ZNF592: variants seen among roughly 807,000 people sequenced by gnomAD.
The protein encoded by ZNF592 is spinocerebellar ataxia, autosomal recessive 5.
Under a neutral mutation model 80.3 loss-of-function variants are expected in ZNF592, and 11 were observed. That is an observed-to-expected ratio of 0.14 (90% confidence interval 0.09 to 0.23). ZNF592 has a LOEUF of 0.23. ZNF592 is among the 10% of genes least tolerant of loss of function. The pLI, the probability that ZNF592 is intolerant of heterozygous loss-of-function variation, is 1.00. For missense variants in ZNF592, 1,420 were observed against 1,633.9 expected (o/e 0.87, Z 2.26); for synonymous variants, 646 against 640.3 (o/e 1.01, Z -0.13).
chr15:84,791,501 C>G (rs755990516), intron 5 of ZNF592, among the ~76,000 whole-genome samples: 5 of 152,130 alleles, frequency 3.3e-5, no homozygotes, highest in African/African-American at 4.8e-5. Flanking sequence ...AAAAAACTTC[C>G]CTCTAGAGCT....
intron 2 of ZNF592, among the ~76,000 whole-genome samples, chr15:84,777,498 AAAAG>A (rs1048696924): frequency 1.3e-5 from 2 of 151,726 alleles, no homozygotes; most frequent in African/African-American, 4.8e-5. Context: ...AAAGAAAAAA[AAAAG>A]AAAGGCATGG....
At position 84,805,693 on chromosome 15, in the gene ZNF592, G is replaced by A. The variant is rs1009138974; in HGVS notation, c.*3300G>A. The A allele has an allele frequency of 3.3e-5, 5 of 152,478 alleles. No individual in the cohort carries two copies. The highest frequency in any genetic ancestry group is 7.4e-5 in the Non-Finnish European group (5 of 68,008). 9.4% of individuals were successfully genotyped at this position (152,478 alleles called of 1,614,324 possible). ...CCCAAGACTGGGGAACCTCTGTCCT[G>A]TTCACCACTGTATATTCAGCACCAG... On this transcript the variant is annotated 3_prime_UTR_variant, in exon 11 of 11. Transcript: ENST00000560079.
chr15:84,761,195 AC>A (rs1474660781), intron 1 of ZNF592, among the ~76,000 whole-genome samples: 1 of 151,992 alleles, frequency 6.6e-6, no homozygotes, highest in African/African-American at 2.4e-5. Context: ...CAAACTCCTG[AC>A]CTCAGGTGAT....
chr15:84,774,710 G>A (rs766277411), intron 2 of ZNF592, among the ~76,000 whole-genome samples: 2 of 151,984 alleles, frequency 1.3e-5, no homozygotes, highest in African/African-American at 4.8e-5. Flanking sequence ...AGCATTTAAA[G>A]TCTGTAGAAA....
intron 2 of ZNF592, among the ~76,000 whole-genome samples, chr15:84,773,342 G>A (rs1962144401): frequency 6.6e-6 from 1 of 151,994 alleles, no homozygotes; most frequent in Admixed American, 6.5e-5. Flanking sequence ...CTCCCGAGTA[G>A]CTGGGATTAC....
In ZNF592 at chr15:84,799,327, T is replaced by C; in HGVS notation, c.3137+117T>C. The C allele has an allele frequency of 9.0e-7, 1 of 1,110,930 alleles. No homozygotes were observed. The highest frequency in any genetic ancestry group is 1.4e-6 in the Non-Finnish European group (1 of 733,900). 68.8% of individuals were successfully genotyped at this position (1,110,930 alleles called of 1,614,324 possible). A position where few individuals can be genotyped will look rare whatever the true frequency, so the allele number is the denominator to read the frequency against. ...TGTCTAAGACAAGAGACAAGTGATT[T>C]CCAACTGGAAGAAATTGCGGCTAAG... On this transcript the variant is annotated intron_variant, in intron 9 of 10. Coordinates refer to ENST00000560079, the MANE Select transcript of ZNF592 (RefSeq NM_014630.3). This position sits in a 1 kb window ranked among gnomAD's most constrained non-coding sequence, Gnocchi z 4.2.
Position 84,791,705 on chromosome 15 carries a change from G to C in ZNF592, c.2399+822G>C, listed in dbSNP as rs190211403. On this transcript the variant is annotated intron_variant, in intron 5 of 10. Transcript: ENST00000560079. ...AGAACATAGGTAATTATAACCCAGA[G>C]TGCTAAGTCCCACAATAGAGAAATG... Among the ~76,000 whole-genome samples, 6 of 152,308 alleles carry C rather than the reference G, an allele frequency of 3.9e-5. No individual in the cohort carries two copies. The East Asian group carries it at 1.2e-3, about 29-fold the overall frequency.
intron 1 of ZNF592, among the ~76,000 whole-genome samples, chr15:84,755,053 C>T (rs1373549014): frequency 1.4e-5 from 2 of 147,498 alleles, no homozygotes; most frequent in Non-Finnish European, 3.0e-5. Context: ...GCAACCTCTG[C>T]CTCCCAGGTT....
At chr15:84,766,722 T>TGTGTGTGG (rs1899536457) in intron 2 of ZNF592, among the ~76,000 whole-genome samples, 1 of 149,334 alleles carries the variant, frequency 6.7e-6, no homozygotes, top group Non-Finnish European at 1.5e-5. Context: ...TGTGTGTGTG[T>TGTGTGTGG]GTGTGTGTGT....
Position 84,805,286 on chromosome 15 carries a change from G to A in ZNF592, c.*2893G>A, listed in dbSNP as rs1460316758. 1.3e-5 allele frequency: 2 copies of A among 152,178 alleles called. No individual in the cohort carries two copies. The highest frequency in any genetic ancestry group is 2.9e-5 in the Non-Finnish European group (2 of 68,038). 9.4% of individuals were successfully genotyped at this position (152,178 alleles called of 1,614,324 possible). ...GAAAAGGTTGCCTAACCCTCACAGG[G>A]AACACACAGTTCCCTCAGAGTCCAG... On this transcript the variant is annotated 3_prime_UTR_variant, in exon 11 of 11. Transcript: ENST00000560079.
chr15:84,800,283 T>G (rs1363159690), intron 10 of ZNF592, among the ~76,000 whole-genome samples: 1 of 152,246 alleles, frequency 6.6e-6, no homozygotes, highest in Non-Finnish European at 1.5e-5. Context: ...ATTCTCTTTC[T>G]GCTTCACAGC....
At chr15:84,790,977 G>T in intron 5 of ZNF592, 94 bp downstream of exon 5, 3 of 1,492,388 alleles carry the variant, frequency 2.0e-6, no homozygotes, top group Non-Finnish European at 2.8e-6. Flanking sequence ...GTCTTAAGAG[G>T]CTTGGGTTCC....
Position 84,802,548 on chromosome 15 carries a change from C to CTG in ZNF592, c.*155_*156insTG. The CTG allele has an allele frequency of 1.2e-6, 1 of 861,912 alleles. No homozygotes were observed. Among genetic ancestry groups the CTG allele is most frequent in the Admixed American group, 2.4e-5 (1 of 42,216 alleles). 53.4% of individuals were successfully genotyped at this position (861,912 alleles called of 1,614,324 possible). On this transcript the variant is annotated 3_prime_UTR_variant, in exon 11 of 11. Coordinates refer to ENST00000560079, the MANE Select transcript of ZNF592 (RefSeq NM_014630.3). Reference sequence around the variant, plus strand: ...GCCCTGAGCTGCCAGTGCTGGGTATCCCCCAGCCCCAGGAAATGTGGGGTC... The same window carrying CTG: ...GCCCTGAGCTGCCAGTGCTGGGTATCTGCCCCAGCCCCAGGAAATGTGGGGTC...
At chr15:84,790,169 A>C (rs1346171749) in intron 4 of ZNF592, among the ~76,000 whole-genome samples, 1 of 150,808 alleles carries the variant, frequency 6.6e-6, no homozygotes, top group Non-Finnish European at 1.5e-5. Flanking sequence ...AACTGACAAG[A>C]CCACTCAGTC....
At chr15:84,772,808 G>T (rs117024521) in intron 2 of ZNF592, among the ~76,000 whole-genome samples, 37 of 151,990 alleles carry the variant, frequency 2.4e-4, no homozygotes, top group Non-Finnish European at 4.3e-4. Context: ...TTATAAATAT[G>T]CAAGCTTTTA....
chr15:84,790,614 G>T, intron 4 of ZNF592, 91 bp from the exon 5 acceptor site: 1 of 1,335,064 alleles, frequency 7.5e-7, no homozygotes, highest in South Asian at 1.2e-5. Flanking sequence ...GGGTTATTCT[G>T]ACCCATGTAC....
At chr15:84,767,967 C>G (rs1051403563) in intron 2 of ZNF592, among the ~76,000 whole-genome samples, 3 of 151,902 alleles carry the variant, frequency 2.0e-5, no homozygotes, top group African/African-American at 7.3e-5. Flanking sequence ...GCCTCAACCT[C>G]CCAGGCTCAA....
At position 84,799,961 on chromosome 15, in the gene ZNF592, G is replaced by T. The variant is rs762289759; in HGVS notation, c.3257G>T (p.Gly1086Val). 1 of 1,614,230 alleles carries T rather than the reference G, an allele frequency of 6.2e-7. No homozygotes were observed. Among genetic ancestry groups the T allele is most frequent in the Non-Finnish European group, 8.5e-7 (1 of 1,180,042 alleles). The change falls in exon 10 of 11, where the codon GGT becomes GTT. Residue 1086 changes from glycine (G) to valine (V), a missense_variant. This residue lies in a region of ZNF592 where 331 missense variants were observed against 347.0 expected (regional missense o/e 0.95). Transcript: ENST00000560079. This position sits in a 1 kb window ranked among gnomAD's most constrained non-coding sequence, Gnocchi z 4.2. ...LSQTSKVKPP[G>V]GHSPQVNHLK... ...CAGACGTCCAAAGTGAAACCTCCGG[G>T]TGGACATTCCCCTCAGGTGAGTGTG...
chr15:84,771,883 C>A (rs1367293209), intron 2 of ZNF592, among the ~76,000 whole-genome samples: 1 of 152,108 alleles, frequency 6.6e-6, no homozygotes, highest in African/African-American at 2.4e-5. Flanking sequence ...ATATATACGC[C>A]ATGGAGTCTG....
Sources: gnomAD v4.1 joint callset for allele counts (sites outside exome capture counted in the v4.1 genomes callset) on GRCh38, gnomAD v4.1.1 for gene constraint, gnomAD v4.1.1 regional missense constraint, Gnocchi (gnomAD v3.1) non-coding constraint, MANE v1.5 for transcripts, NCBI Gene and HGNC (gene_info 2026-07-23, HGNC 2026-07-21) for gene names.